The following TG variants were observed in gnomAD, a reference collection of about 807,000 sequenced individuals.
TG encodes the protein thyroid hormones.
Under a neutral mutation model 324.7 loss-of-function variants are expected in TG, and 270 were observed. The observed-to-expected ratio is 0.83, with a 90% CI of 0.75 to 0.92. The LOEUF (loss-of-function observed/expected upper bound fraction) is 0.92. TG is among the 40% of genes least tolerant of loss of function. The pLI, the probability that TG is intolerant of heterozygous loss-of-function variation, is 0.00. For synonymous variants in TG, 1,401 were observed against 1,327.0 expected (o/e 1.06, Z -1.21); for missense variants, 3,591 against 3,456.4 (o/e 1.04, Z -0.98).
At chr8:132,930,534 T>G (rs962640811) in intron 23 of TG, among the ~76,000 whole-genome samples, 14 of 151,870 alleles carry the variant, frequency 9.2e-5, no homozygotes, top group African/African-American at 3.1e-4. Context: ...TACAAAAAAT[T>G]AGCCAGGCAT....
chr8:132,898,330 G>A, intron 13 of TG, 84 bp downstream of exon 13: 2 of 1,316,166 alleles, frequency 1.5e-6, no homozygotes, highest in African/African-American at 1.5e-5. Flanking sequence ...CTAACCGCTG[G>A]AGACTCCATG....
At chr8:132,906,634 A>T in intron 16 of TG, 54 bp from the exon 17 acceptor site, 2 of 1,601,012 alleles carry the variant, frequency 1.2e-6, no homozygotes, top group Non-Finnish European at 1.7e-6. Flanking sequence ...AGGCATGCTC[A>T]GTCGTCCCGA....
intron 27 of TG, among the ~76,000 whole-genome samples, chr8:132,958,933 A>G (rs1827357231): frequency 6.6e-6 from 1 of 152,150 alleles, no homozygotes; most frequent in Non-Finnish European, 1.5e-5. Context: ...AAATCCAGTA[A>G]TTGCAGAGAT....
intron 5 of TG, among the ~76,000 whole-genome samples, chr8:132,875,660 G>A (rs986651364): frequency 6.6e-6 from 1 of 152,206 alleles, no homozygotes; most frequent in African/African-American, 2.4e-5. Flanking sequence ...CCACAAGAGG[G>A]CAGTCGAGTT....
At position 133,029,847 on chromosome 8, in the gene TG, G is replaced by C; in HGVS notation, c.7063G>C (p.Gly2355Arg). ...GTCCGGAGAGGTGAGTGGCAACTGG[G>C]GGCTGCTGGACCAGGTGGCGGCTCT... ...SGSGEVSGNWGLLDQVAALTW... is the reference protein window; with the variant it reads ...SGSGEVSGNWRLLDQVAALTW... Residue 2355 changes from glycine (G) to arginine (R), a missense_variant, in exon 41 of 48, where the codon GGG becomes CGG. Gly to Arg is a moderately radical substitution (Grantham distance 125). Coordinates refer to ENST00000220616, the MANE Select transcript of TG (RefSeq NM_003235.5). The C allele has an allele frequency of 6.2e-7, 1 of 1,614,128 alleles. No homozygotes were observed. Among genetic ancestry groups the C allele is most frequent in the Non-Finnish European group, 8.5e-7 (1 of 1,179,972 alleles).
chr8:132,967,487 C>T (rs1018334215), intron 30 of TG, among the ~76,000 whole-genome samples: 3 of 152,194 alleles, frequency 2.0e-5, no homozygotes, highest in African/African-American at 7.2e-5. Flanking sequence ...CTGACTTCCT[C>T]TGAGATGGCC....
At chr8:133,123,070 TC>T (rs997217026) in intron 45 of TG, among the ~76,000 whole-genome samples, 1 of 151,918 alleles carries the variant, frequency 6.6e-6, no homozygotes, top group African/African-American at 2.4e-5. Context: ...GCAGCCCCAG[TC>T]CCCCTAAGCT....
chr8:132,891,328 A>G (rs1478993967), intron 10 of TG, among the ~76,000 whole-genome samples: 1 of 152,134 alleles, frequency 6.6e-6, no homozygotes, highest in Non-Finnish European at 1.5e-5. Flanking sequence ...GGCGGATAGT[A>G]AATTGGGAAC....
At chr8:132,952,076 A>C (rs1826187282) in intron 27 of TG, among the ~76,000 whole-genome samples, 1 of 152,210 alleles carries the variant, frequency 6.6e-6, no homozygotes, top group Non-Finnish European at 1.5e-5. Context: ...GATGGTTGTG[A>C]AGACAGACTC....
At chr8:132,932,731 G>T (rs924925749) in intron 23 of TG, among the ~76,000 whole-genome samples, 2 of 152,126 alleles carry the variant, frequency 1.3e-5, no homozygotes, top group Non-Finnish European at 2.9e-5. Flanking sequence ...CTCATTAAGC[G>T]CATGGCCTCC....
intron 41 of TG, among the ~76,000 whole-genome samples, chr8:133,067,995 A>G (rs775516017): frequency 1.3e-5 from 2 of 152,184 alleles, no homozygotes; most frequent in Non-Finnish European, 2.9e-5. Context: ...CTCAATACAT[A>G]GAATAGATGA....
intron 35 of TG, chr8:132,994,717 G>T (rs1275709396): frequency 7.8e-7 from 1 of 1,288,510 alleles, no homozygotes; most frequent in African/African-American, 1.5e-5. Flanking sequence ...TCTCCCCAGT[G>T]TTTAAAGTCC....
At chr8:133,051,662 T>C (rs1322023368) in intron 41 of TG, among the ~76,000 whole-genome samples, 2 of 152,174 alleles carry the variant, frequency 1.3e-5, no homozygotes, top group Non-Finnish European at 2.9e-5. Context: ...GGTTCCTGAC[T>C]GTAGAGGAGA....
At chr8:132,910,200 T>C (rs1034478540) in intron 18 of TG, among the ~76,000 whole-genome samples, 24 of 152,246 alleles carry the variant, frequency 1.6e-4, no homozygotes, top group African/African-American at 5.8e-4. Flanking sequence ...TTGGGATGGA[T>C]GGCATGCTAC....
chr8:132,909,495 G>A (rs1227337056), intron 18 of TG, among the ~76,000 whole-genome samples: 1 of 152,210 alleles, frequency 6.6e-6, no homozygotes, highest in Non-Finnish European at 1.5e-5. Context: ...GGAGGAAGCT[G>A]GGCAGGGACC....
At chr8:133,115,878 G>A (rs570052949) in intron 44 of TG, among the ~76,000 whole-genome samples, 3 of 152,308 alleles carry the variant, frequency 2.0e-5, no homozygotes, top group African/African-American at 7.2e-5. Flanking sequence ...ACCCTCAAAG[G>A]CAGAGCAAAT....
intron 44 of TG, among the ~76,000 whole-genome samples, chr8:133,114,780 T>C (rs1386640780): frequency 6.6e-6 from 1 of 152,206 alleles, no homozygotes; most frequent in African/African-American, 2.4e-5. Context: ...CAGCATCCTT[T>C]GGTAAACTGG....
intron 41 of TG, chr8:133,090,158 C>G (rs1329409532): frequency 6.6e-6 from 1 of 152,210 alleles, no homozygotes; most frequent in Non-Finnish European, 1.5e-5. Context: ...GTTGATAACT[C>G]TCAGGTAATA....
intron 8 of TG, among the ~76,000 whole-genome samples, chr8:132,883,584 G>A (rs1169402303): frequency 1.3e-5 from 2 of 152,172 alleles, no homozygotes; most frequent in East Asian, 1.9e-4. Context: ...CTGAAGAAAG[G>A]CAGGGGTAAG....
Sources: gnomAD v4.1 joint callset for allele counts (sites outside exome capture counted in the v4.1 genomes callset) on GRCh38, gnomAD v4.1.1 for gene constraint, MANE v1.5 for transcripts, NCBI Gene and HGNC (gene_info 2026-07-23, HGNC 2026-07-21) for gene names.